Variants in RAB33A observed in about 807,000 individuals in gnomAD.
RAB33A encodes RAB33A, member RAS oncogene family.
Under a neutral mutation model 12.0 loss-of-function variants are expected in RAB33A, and 6 were observed. The ratio of observed to expected loss-of-function variants is 0.50; its 90% CI spans 0.27 to 0.99. The LOEUF is 0.99. Among genes scored for constraint, RAB33A ranks in the 50% least tolerant of loss-of-function variants. The probability of loss-of-function intolerance (pLI) is 0.11; values close to 1 mark genes in which losing one functional copy is unlikely to be tolerated. For missense variants in RAB33A, 109 were observed against 192.0 expected (o/e 0.57, Z 2.55); for synonymous variants, 70 against 82.4 (o/e 0.85, Z 0.81).
chrX:130,170,976 G>A (rs2031598771), upstream of RAB33A, among the ~76,000 whole-genome samples: 1 of 112,836 alleles, frequency 8.9e-6, no homozygotes, highest in South Asian at 3.6e-4. Context: ...CCTCTCCCGC[G>A]GCGGGCCTTC....
chrX:130,141,158 AAAAC>A, the RAB33A span, among the ~76,000 whole-genome samples: 2 of 112,080 alleles, frequency 1.8e-5, no homozygotes, highest in Admixed American at 9.5e-5. Context: ...CACAACAACA[AAAAC>A]AAACAAAAAC....
the RAB33A span, among the ~76,000 whole-genome samples, chrX:130,153,910 G>T: frequency 1.8e-5 from 2 of 112,048 alleles, no homozygotes; most frequent in Non-Finnish European, 3.8e-5. Flanking sequence ...GGCAGCCCAA[G>T]AAACTAATAC....
the RAB33A span, among the ~76,000 whole-genome samples, chrX:130,123,396 A>G: frequency 8.9e-6 from 1 of 111,748 alleles, no homozygotes; most frequent in Non-Finnish European, 1.9e-5. Context: ...AAACACAGGG[A>G]AAAGGGAAAC....
chrX:130,177,915 G>A (rs2031679316), intron 1 of RAB33A, among the ~76,000 whole-genome samples: 1 of 112,315 alleles, frequency 8.9e-6, no homozygotes, highest in Admixed American at 9.4e-5. Flanking sequence ...CAGGAAAGGA[G>A]GAAAGGGTGA....
At chrX:130,146,668 GAGATC>G in the RAB33A span, among the ~76,000 whole-genome samples, 1 of 110,753 alleles carries the variant, frequency 9.0e-6, no homozygotes, top group Non-Finnish European at 1.9e-5. Context: ...TACTAGAATT[GAGATC>G]TAAGTTGTCC....
chrX:130,166,713 A>G, the RAB33A span, among the ~76,000 whole-genome samples: 1 of 112,218 alleles, frequency 8.9e-6, no homozygotes, highest in Non-Finnish European at 1.9e-5. Context: ...TCTGTTGGGT[A>G]TGAAAAGTAC....
the RAB33A span, among the ~76,000 whole-genome samples, chrX:130,163,437 C>A: frequency 0.025 from 2,798 of 111,310 alleles, 78 homozygotes; most frequent in African/African-American, 0.086. Context: ...AGATTAAAAG[C>A]AGTTAGGAAT....
chrX:130,117,195 CAG>C, the RAB33A span, among the ~76,000 whole-genome samples: 1 of 112,180 alleles, frequency 8.9e-6, no homozygotes, highest in Non-Finnish European at 1.9e-5. Context: ...GCCTGGGTGA[CAG>C]AGCAAAAGAC....
At chrX:130,171,802 C>T (rs755204758), upstream of RAB33A, 1 of 384,705 alleles carries the variant, frequency 2.6e-6, no homozygotes, top group South Asian at 4.6e-5. Flanking sequence ...CCTCTCTCCT[C>T]CTCTCCCTGG....
the RAB33A span, among the ~76,000 whole-genome samples, chrX:130,124,539 G>A: frequency 8.9e-6 from 1 of 111,752 alleles, no homozygotes; most frequent in Admixed American, 9.5e-5. Flanking sequence ...GACTAGGTAA[G>A]GTCTTCAGAA....
At chrX:130,150,615 G>T in the RAB33A span, among the ~76,000 whole-genome samples, 1 of 105,659 alleles carries the variant, frequency 9.5e-6, no homozygotes, top group Non-Finnish European at 2.0e-5. Context: ...GATTACAGGC[G>T]TGAGCCACCG....
chrX:130,182,708 C>T (rs4291424), intron 1 of RAB33A, among the ~76,000 whole-genome samples: 1,386 of 108,995 alleles, frequency 0.013, 20 homozygotes, highest in African/African-American at 0.043. Context: ...GAGCCGAGAT[C>T]GTGCCATTTC....
At chrX:130,129,713 TC>T in the RAB33A span, 2 of 908,172 alleles carry the variant, frequency 2.2e-6, no homozygotes, top group Non-Finnish European at 3.2e-6. Flanking sequence ...CCTGGGGCAG[TC>T]CCCATATCAC....
chrX:130,144,597 G>A, the RAB33A span, among the ~76,000 whole-genome samples: 5 of 111,180 alleles, frequency 4.5e-5, no homozygotes, highest in African/African-American at 1.6e-4. Context: ...CCATAAGATT[G>A]CCCATTCTGT....
the RAB33A span, among the ~76,000 whole-genome samples, chrX:130,120,480 C>G: frequency 8.9e-6 from 1 of 111,893 alleles, no homozygotes; most frequent in African/African-American, 3.3e-5. Context: ...ACGCCCCAGA[C>G]ACGACTCAAA....
chrX:130,147,523 C>T, the RAB33A span: 7 of 1,211,975 alleles, frequency 5.8e-6, no homozygotes, highest in East Asian at 1.5e-4. Context: ...CTGTTTGAAT[C>T]GCAGTGTCTT....
the RAB33A span, among the ~76,000 whole-genome samples, chrX:130,133,753 AAGTAGCTGG>A: frequency 9.2e-6 from 1 of 109,139 alleles, no homozygotes; most frequent in Non-Finnish European, 1.9e-5. Flanking sequence ...TCAGCCTCCC[AAGTAGCTGG>A]GACTACAGGA....
At chrX:130,167,203 G>A (rs2031547345), upstream of RAB33A, among the ~76,000 whole-genome samples, 1 of 112,536 alleles carries the variant, frequency 8.9e-6, no homozygotes, top group African/African-American at 3.2e-5. Flanking sequence ...TAAACATGTT[G>A]ACCTTGGATC....
the RAB33A span, chrX:130,136,845 C>A: frequency 2.0e-6 from 2 of 1,007,083 alleles, no homozygotes; most frequent in Admixed American, 4.7e-5. Context: ...AGTACACAGG[C>A]AGTTTTGGAG....
Sources: gnomAD v4.1 joint callset for allele counts (sites outside exome capture counted in the v4.1 genomes callset) on GRCh38, gnomAD v4.1.1 for gene constraint, MANE v1.5 for transcripts, NCBI Gene and HGNC (gene_info 2026-07-23, HGNC 2026-07-21) for gene names.